R3HDM1: variants seen among roughly 807,000 people sequenced by gnomAD.
R3HDM1 encodes R3H domain-containing protein 1.
In R3HDM1, 46 loss-of-function variants were observed where a neutral mutation model predicts 141.1. The observed-to-expected ratio is 0.33, with a 90% CI of 0.26 to 0.42. The LOEUF (loss-of-function observed/expected upper bound fraction) is 0.42, where lower values mean the gene tolerates loss of function less well. Among genes scored for constraint, R3HDM1 ranks in the 10% least tolerant of loss-of-function variants. The pLI is 1.00. For missense variants in R3HDM1, 1,184 were observed against 1,368.3 expected (o/e 0.87, Z 2.12); for synonymous variants, 435 against 472.9 (o/e 0.92, Z 1.04).
intron 1 of R3HDM1, among the ~76,000 whole-genome samples, chr2:135,592,119 A>G (rs1187335938): frequency 6.6e-6 from 1 of 152,136 alleles, no homozygotes; most frequent in East Asian, 1.9e-4. Context: ...CAAAGCCCCA[A>G]CTTTCTAATT....
Position 135,688,788 on chromosome 2 carries a change from T to C in R3HDM1, c.2459+8464T>C, listed in dbSNP as rs1376028733. 2.6e-5 allele frequency among the ~76,000 whole-genome samples: 4 copies of C among 152,076 alleles called. No homozygotes were observed. In the East Asian group the frequency reaches 5.8e-4, roughly 22 times the overall value. On this transcript the variant is annotated intron_variant, in intron 21 of 26. Transcript: ENST00000683871. ...CCATCTCTACTAAAAATACAAAAAT[T>C]AGCCAGGTGTGGTGGCGGGCACCTG...
intron 1 of R3HDM1, among the ~76,000 whole-genome samples, chr2:135,602,156 G>A (rs2059676263): frequency 6.6e-6 from 1 of 151,924 alleles, no homozygotes; most frequent in Non-Finnish European, 1.5e-5. Flanking sequence ...GATGGTTCTT[G>A]GAGTTAAAGT....
chr2:135,711,933 T>C (rs1485882236), intron 23 of R3HDM1, among the ~76,000 whole-genome samples: 2 of 130,006 alleles, frequency 1.5e-5, no homozygotes, highest in African/African-American at 3.0e-5. Context: ...CACTCCAGCC[T>C]GGGTGACAGA....
intron 21 of R3HDM1, among the ~76,000 whole-genome samples, chr2:135,699,653 A>G (rs964419648): frequency 1.3e-5 from 2 of 152,226 alleles, no homozygotes; most frequent in Non-Finnish European, 2.9e-5. Context: ...AGTTTTGTAA[A>G]TGTAGAAATC....
In R3HDM1 at chr2:135,661,365, A is replaced by G. The variant is rs752384770; in HGVS notation, c.2124A>G (p.Gln708=). The change falls in exon 19 of 27, where the codon CAA becomes CAG. Residue 708 remains glutamine, a synonymous_variant. Transcript: ENST00000683871. Reference sequence around the variant, plus strand: ...TTCATTACAATTCACATCTAAACCAACCACTGCCACAACCTGCGCAGCAGA... The same window carrying G: ...TTCATTACAATTCACATCTAAACCAGCCACTGCCACAACCTGCGCAGCAGA... ...PSVHYNSHLN[Q]PLPQPAQQTG... is the part of the protein sequence containing the mutation. 2 of 1,613,760 alleles carry G rather than the reference A, an allele frequency of 1.2e-6. No individual in the cohort carries two copies. Among genetic ancestry groups the G allele is most frequent in the Admixed American group, 1.7e-5 (1 of 59,984 alleles).
intron 19 of R3HDM1, chr2:135,667,368 C>CT (rs755779210): frequency 4.3e-4 from 186 of 437,264 alleles, no homozygotes; most frequent in Non-Finnish European, 5.1e-4. Context: ...CAGTGCAGTC[C>CT]TTTAACAAAA....
chr2:135,683,572 AT>A, intron 21 of R3HDM1, among the ~76,000 whole-genome samples: 1 of 138,448 alleles, frequency 7.2e-6, no homozygotes, highest in Non-Finnish European at 1.5e-5. Flanking sequence ...AAAAAAAAAA[AT>A]TCATTAAAGA....
chr2:135,544,375 G>A (rs1698251264), intron 1 of R3HDM1, among the ~76,000 whole-genome samples: 1 of 152,154 alleles, frequency 6.6e-6, no homozygotes, highest in Non-Finnish European at 1.5e-5. Context: ...TGGAATAGGG[G>A]CAAACACAAC....
At chr2:135,669,115 G>A (rs1452331838) in intron 19 of R3HDM1, 2 of 980,700 alleles carry the variant, frequency 2.0e-6, no homozygotes, top group Non-Finnish European at 2.4e-6. Flanking sequence ...CTTCCTAATT[G>A]TTTAATACAA....
At chr2:135,620,969 G>C (rs13398459) in intron 5 of R3HDM1, among the ~76,000 whole-genome samples, 11,753 of 151,990 alleles carry the variant, frequency 0.077, 1,500 homozygotes, top group African/African-American at 0.27. Context: ...ATCTCAAAAA[G>C]GAAATAAAGC....
In R3HDM1 at chr2:135,602,702, G is replaced by T; in HGVS notation, c.-47G>T. On this transcript the variant is annotated 5_prime_UTR_variant, in exon 2 of 27. Coordinates refer to ENST00000683871, the MANE Select transcript of R3HDM1 (RefSeq NM_001378107.1). ...CACCACAATCCCAAATCCAAAGGAC[G>T]CATCAGGTAATGCTTCCCTGTCATT... The T allele has an allele frequency of 1.3e-6, 2 of 1,512,320 alleles. No individual in the cohort carries two copies. Among genetic ancestry groups the T allele is most frequent in the Non-Finnish European group, 1.8e-6 (2 of 1,133,382 alleles). The allele number at this position is 1,512,320 out of a possible 1,614,324, so 93.7% of individuals were successfully genotyped here.
intron 1 of R3HDM1, chr2:135,586,795 C>A: frequency 1.0e-6 from 1 of 984,900 alleles, no homozygotes; most frequent in Non-Finnish European, 1.2e-6. Context: ...GAATGGTTTA[C>A]CTGTGTGCTA....
chr2:135,645,011 G>A (rs556781589), intron 15 of R3HDM1, among the ~76,000 whole-genome samples: 1 of 152,234 alleles, frequency 6.6e-6, no homozygotes, highest in East Asian at 1.9e-4. Context: ...GAACCCAGGA[G>A]ACAGAGGTTG....
At chr2:135,691,903 T>G (rs1171630865) in intron 21 of R3HDM1, among the ~76,000 whole-genome samples, 1 of 152,060 alleles carries the variant, frequency 6.6e-6, no homozygotes, top group Non-Finnish European at 1.5e-5. Context: ...TCACTAGAGT[T>G]TTTGTTTGTT....
At chr2:135,705,639 A>AAAAT (rs934746617) in intron 21 of R3HDM1, among the ~76,000 whole-genome samples, 11 of 152,160 alleles carry the variant, frequency 7.2e-5, no homozygotes, top group African/African-American at 2.4e-4. Flanking sequence ...TTGTCTGTTT[A>AAAAT]AAATAAATAA....
intron 1 of R3HDM1, among the ~76,000 whole-genome samples, chr2:135,594,345 A>G (rs566103442): frequency 1.3e-5 from 2 of 152,344 alleles, no homozygotes; most frequent in South Asian, 4.1e-4. Flanking sequence ...CAGATCTGGA[A>G]ATGGCTGTGA....
chr2:135,593,937 C>T (rs1163628759), intron 1 of R3HDM1, among the ~76,000 whole-genome samples: 3 of 152,178 alleles, frequency 2.0e-5, no homozygotes, highest in African/African-American at 7.2e-5. Context: ...CCAGGCTGGT[C>T]TCAATCTTCT....
intron 16 of R3HDM1, among the ~76,000 whole-genome samples, chr2:135,647,755 G>C (rs1188988993): frequency 1.3e-5 from 2 of 152,174 alleles, no homozygotes; most frequent in Non-Finnish European, 2.9e-5. Flanking sequence ...AAAGCCTTCA[G>C]AAGGGCTACT....
chr2:135,638,562 G>T, intron 11 of R3HDM1, 56 bp from the exon 12 acceptor site: 1 of 1,497,342 alleles, frequency 6.7e-7, no homozygotes, highest in South Asian at 1.1e-5. Context: ...GTTTACAGAT[G>T]GCATTACGTT....
Sources: gnomAD v4.1 joint callset for allele counts (sites outside exome capture counted in the v4.1 genomes callset) on GRCh38, gnomAD v4.1.1 for gene constraint, MANE v1.5 for transcripts, NCBI Gene and HGNC (gene_info 2026-07-23, HGNC 2026-07-21) for gene names.